The following PRPF8 variants were observed in gnomAD, a reference collection of about 807,000 sequenced individuals.
PRPF8 encodes the protein pre-mRNA-processing-splicing factor 8.
PRPF8 carries 64 observed loss-of-function variants against 285.9 expected under a neutral mutation model. That is an observed-to-expected ratio of 0.22 (90% CI 0.18 to 0.28). The LOEUF is 0.28. Among genes scored for constraint, PRPF8 ranks in the 10% least tolerant of loss-of-function variants. PRPF8 has a pLI of 1.00. For synonymous variants in PRPF8, 1,325 were observed against 1,118.2 expected (o/e 1.18, Z -3.69); for missense variants, 1,426 against 3,026.7 (o/e 0.47, Z 12.41).
Position 1,673,030 on chromosome 17 carries a change from A to C in PRPF8, c.3774+51T>G, listed in dbSNP as rs1912409488. 4 of 1,519,852 alleles carry C rather than the reference A, an allele frequency of 2.6e-6. No individual in the cohort carries two copies. Among genetic ancestry groups the C allele is most frequent in the Non-Finnish European group, 3.7e-6 (4 of 1,093,946 alleles). 94.1% of individuals were successfully genotyped at this position (1,519,852 alleles called of 1,614,324 possible). On this transcript the variant is annotated intron_variant, in intron 24 of 42. Coordinates refer to ENST00000304992, the MANE Select transcript of PRPF8 (RefSeq NM_006445.4). This position sits in a 1 kb window ranked among gnomAD's most constrained non-coding sequence, Gnocchi z 5.5. ...GACGAAGTGAAAGGGGTGTGAAATG[A>C]GCAGAGGACAGCAGAGGACAAGAGG... is the stretch of plus-strand genomic sequence containing the variant.
In PRPF8 at chr17:1,679,434, T is replaced by C; in HGVS notation, c.1290-24A>G. The C allele has an allele frequency of 3.1e-6, 5 of 1,611,644 alleles. No individual in the cohort carries two copies. The highest frequency in any genetic ancestry group is 4.2e-6 in the Non-Finnish European group (5 of 1,179,848). ...ACCTGGAAAAATAAGCCCACCAGAG[T>C]TTGGCCATCTCTTCTTCCAGACACT... is the stretch of plus-strand genomic sequence containing the variant. On this transcript the variant is annotated intron_variant, in intron 9 of 42. Transcript: ENST00000304992. The surrounding 1 kb of genome is among the most constrained non-coding windows in gnomAD (Gnocchi z 4.7).
At chr17:1,683,038 C>G (rs1913023720) in intron 3 of PRPF8, 1 of 177,276 alleles carries the variant, frequency 5.6e-6, no homozygotes, top group Non-Finnish European at 1.2e-5. Context: ...TACTTTCGCC[C>G]AGGCCAGAGT....
Position 1,676,362 on chromosome 17 carries a change from A to T in PRPF8, c.2397T>A (p.Pro799=). The part of the protein sequence containing the change: ...ERQHNYLKDG[P]YITAEEAVAV... ...CCACTGCTTCCTCCGCTGTGATGTAAGGCCCGTCCTGTAAGGTGGACATGA... is the reference window on the plus strand; with the variant it reads ...CCACTGCTTCCTCCGCTGTGATGTATGGCCCGTCCTGTAAGGTGGACATGA... Residue 799 remains proline, a synonymous_variant, in exon 17 of 43, where the codon CCT becomes CCA. Coordinates refer to ENST00000304992, the MANE Select transcript of PRPF8 (RefSeq NM_006445.4). The surrounding 1 kb of genome is among the most constrained non-coding windows in gnomAD (Gnocchi z 6.3). The T allele has an allele frequency of 6.2e-7, 1 of 1,614,138 alleles. No individual in the cohort carries two copies. The highest frequency in any genetic ancestry group is 2.2e-5 in the East Asian group (1 of 44,876).
rs1365564431 is a variant in PRPF8 at position 1,658,662 on chromosome 17, A to G, written c.5240T>C (p.Ile1747Thr). The change falls in exon 33 of 43, where the codon ATC (isoleucine) becomes ACC (threonine). Residue 1747 changes from isoleucine to threonine, a missense_variant. Physicochemically the swap from Ile to Thr is moderately conservative, Grantham distance 89. Transcript: ENST00000304992. The surrounding 1 kb of genome is among the most constrained non-coding windows in gnomAD (Gnocchi z 4.1). Reference sequence around the variant, plus strand: ...TGAATAGAGCTGTAGCCCCTTGCGGATCCGTTCACGTAACACATACAGGGC... The same window carrying G: ...TGAATAGAGCTGTAGCCCCTTGCGGGTCCGTTCACGTAACACATACAGGGC... ...NPALYVLRER[I>T]RKGLQLYSSE... The G allele has an allele frequency of 6.2e-7, 1 of 1,614,238 alleles. No homozygotes were observed. The highest frequency in any genetic ancestry group is 8.5e-7 in the Non-Finnish European group (1 of 1,180,050).
chr17:1,655,546 G>A lies in PRPF8; in HGVS notation c.5794-3C>T, dbSNP rs776617795. ...ATCAGGATGAGACGGGAGAAGGCCT[G>A]GGAAAAGATTTGGAAGAGTGGGGTA... On this transcript the variant is annotated splice_polypyrimidine_tract_variant and splice_region_variant and intron_variant, in intron 36 of 42. Coordinates refer to ENST00000304992, the MANE Select transcript of PRPF8 (RefSeq NM_006445.4). The A allele has an allele frequency of 1.9e-6, 3 of 1,610,988 alleles. No individual in the cohort carries two copies. The highest frequency in any genetic ancestry group is 2.7e-5 in the African/African-American group (2 of 74,840).
intron 11 of PRPF8, 29 bp from the exon 12 acceptor site, chr17:1,678,910 C>T (rs1912757882): frequency 4.3e-6 from 7 of 1,613,856 alleles, no homozygotes; most frequent in South Asian, 1.1e-5. Flanking sequence ...ACAGACAGAA[C>T]GTGAATGAGC....
intron 2 of PRPF8, 144 bp from the exon 3 acceptor site, chr17:1,683,845 AT>A: frequency 3.2e-6 from 3 of 940,264 alleles, no homozygotes; most frequent in Non-Finnish European, 4.9e-6. Context: ...TTCCCTTACC[AT>A]TTTACTCTGT....
At position 1,651,402 on chromosome 17, in the gene PRPF8, G is replaced by C. The variant is rs1164673072; in HGVS notation, c.6650+12C>G. Reference sequence around the variant, plus strand: ...GCCCCACCATACTTCCTCCCAAGGAGCCCAGGCCCACCTGCATGTGATGAT... The same window carrying C: ...GCCCCACCATACTTCCTCCCAAGGACCCCAGGCCCACCTGCATGTGATGAT... On this transcript the variant is annotated intron_variant, in intron 41 of 42. Coordinates refer to ENST00000304992, the MANE Select transcript of PRPF8 (RefSeq NM_006445.4). This position sits in a 1 kb window ranked among gnomAD's most constrained non-coding sequence, Gnocchi z 5.1. 1 of 1,614,070 alleles carries C rather than the reference G, an allele frequency of 6.2e-7. No homozygotes were observed. Among genetic ancestry groups the C allele is most frequent in the East Asian group, 2.2e-5 (1 of 44,874 alleles).
intron 3 of PRPF8, 82 bp from the exon 4 acceptor site, chr17:1,682,375 A>G: frequency 6.5e-7 from 1 of 1,527,258 alleles, no homozygotes; most frequent in East Asian, 2.3e-5. Flanking sequence ...CCACATGTTC[A>G]TGTTCCACAG....
At chr17:1,684,659 G>A (rs1388465305) in intron 1 of PRPF8, 77 bp from the exon 2 acceptor site, 11 of 1,385,584 alleles carry the variant, frequency 7.9e-6, no homozygotes, top group Non-Finnish European at 1.1e-5. Context: ...AGGCGTCCGG[G>A]GACCCCGGCC....
At chr17:1,665,901 C>G (rs1329414135) in intron 24 of PRPF8, among the ~76,000 whole-genome samples, 1 of 150,938 alleles carries the variant, frequency 6.6e-6, no homozygotes, top group Non-Finnish European at 1.5e-5. Context: ...TGGCTCACAC[C>G]TATAATCCCA....
At chr17:1,674,313 C>T (rs1912497093) in intron 21 of PRPF8, 129 bp downstream of exon 21, 2 of 990,234 alleles carry the variant, frequency 2.0e-6, no homozygotes, top group East Asian at 2.4e-5. Context: ...TGAGCTACCG[C>T]ACCCGGCCGC....
chr17:1,657,607 C>T (rs2151113841), intron 34 of PRPF8, among the ~76,000 whole-genome samples: 1 of 141,146 alleles, frequency 7.1e-6, no homozygotes, highest in East Asian at 2.1e-4. Flanking sequence ...AATCAGGCCA[C>T]TGCATTCCAG....
At chr17:1,681,414 T>C (rs958728759) in intron 6 of PRPF8, 64 bp downstream of exon 6, 2 of 1,492,226 alleles carry the variant, frequency 1.3e-6, no homozygotes, top group Non-Finnish European at 1.9e-6. Context: ...ATCAGGACTT[T>C]AAGGATCAAG....
chr17:1,674,090 C>CT (rs1912480216), intron 21 of PRPF8, among the ~76,000 whole-genome samples, 198 bp from the exon 22 acceptor site: 1 of 152,042 alleles, frequency 6.6e-6, no homozygotes, highest in Admixed American at 6.6e-5. Flanking sequence ...CGGCGCAATC[C>CT]CGGCTCACTG....
rs994288884 is a variant in PRPF8, at chr17:1,650,822, G to A, written c.6988C>T (p.Arg2330Trp). ...AACGGTCAGGCATACAGGTCCTCCCGATCCGCAGAGTAAACCTCCCCCTCC... is the reference window on the plus strand; with the variant it reads ...AACGGTCAGGCATACAGGTCCTCCCAATCCGCAGAGTAAACCTCCCCCTCC... ...LQEGEVYSAD[R>W]EDLYA Residue 2330 changes from arginine to tryptophan, a missense_variant, in exon 43 of 43, where the codon CGG becomes TGG. By Grantham distance (101) the Arg-to-Trp change is moderately radical (BLOSUM62 -3). Transcript: ENST00000304992. The A allele has an allele frequency of 1.9e-6, 3 of 1,614,080 alleles. No individual in the cohort carries two copies. The highest frequency in any genetic ancestry group is 1.7e-6 in the Non-Finnish European group (2 of 1,180,018).
chr17:1,660,351 T>G, intron 30 of PRPF8, 81 bp downstream of exon 30: 1 of 1,606,794 alleles, frequency 6.2e-7, no homozygotes, highest in South Asian at 1.1e-5. Context: ...CCACCTGAGC[T>G]GACTCTGTAC....
rs768953562 is a variant in PRPF8 at position 1,658,283 on chromosome 17, G to A, written c.5475C>T (p.Ser1825=). ...CCAAACGCTTCTGTCCCGCCCACAC[G>A]GACGTGTGGATTATCTTGAGGAACA... ...GQLFLKIIHT[S]VWAGQKRLGQ... Residue 1825 remains serine, a synonymous_variant, in exon 34 of 43, where the codon TCC becomes TCT. Transcript: ENST00000304992. The surrounding 1 kb of genome is among the most constrained non-coding windows in gnomAD (Gnocchi z 4.1). The A allele has an allele frequency of 1.2e-5, 20 of 1,614,010 alleles. No individual in the cohort carries two copies. In the African/African-American group the frequency reaches 1.5e-4, roughly 12 times the overall value.
chr17:1,675,719 A>G lies in PRPF8; in HGVS notation c.2773T>C (p.Tyr925His). ...EKITDAYLDQ[Y>H]LWYEADKRRL... Reference sequence around the variant, plus strand: ...CGCTTGTCGGCTTCATACCACAGGTACTGGTCCAGGTAAGCATCAGTTATC... The same window carrying G: ...CGCTTGTCGGCTTCATACCACAGGTGCTGGTCCAGGTAAGCATCAGTTATC... The change falls in exon 19 of 43, where the codon TAC becomes CAC. Residue 925 changes from tyrosine to histidine, a missense_variant. Transcript: ENST00000304992. This position sits in a 1 kb window ranked among gnomAD's most constrained non-coding sequence, Gnocchi z 6.0. 6.2e-7 allele frequency: 1 copy of G among 1,614,196 alleles called. No homozygotes were observed. Among genetic ancestry groups the G allele is most frequent in the Non-Finnish European group, 8.5e-7 (1 of 1,180,030 alleles).
Sources: allele counts gnomAD v4.1 joint callset (sites outside exome capture counted in the v4.1 genomes callset), GRCh38; gene constraint gnomAD v4.1.1; non-coding constraint Gnocchi (gnomAD v3.1); transcripts MANE v1.5; gene names NCBI Gene and HGNC (gene_info 2026-07-23, HGNC 2026-07-21).